The following GSPT1 variants were observed in gnomAD, a reference collection of about 807,000 sequenced individuals.
GSPT1 encodes the protein G1 to S phase transition 1.
Under a neutral mutation model 72.5 loss-of-function variants are expected in GSPT1, and 20 were observed. The observed-to-expected ratio is 0.28, with a 90% confidence interval of 0.19 to 0.40. GSPT1 has a LOEUF of 0.40. Among genes scored for constraint, GSPT1 ranks in the 10% least tolerant of loss-of-function variants. The pLI is 1.00. For missense variants in GSPT1, 580 were observed against 811.9 expected (o/e 0.71, Z 3.47); for synonymous variants, 334 against 293.5 (o/e 1.14, Z -1.41).
chr16:11,913,291 A>G (rs1290013208), intron 1 of GSPT1, among the ~76,000 whole-genome samples: 1 of 152,236 alleles, frequency 6.6e-6, no homozygotes, highest in Non-Finnish European at 1.5e-5. Context: ...TACATAGGAT[A>G]ATTTTTTAAA....
In GSPT1 at chr16:11,870,074, C is replaced by T. The variant is rs2053961822; in HGVS notation, c.*3045G>A. On this transcript the variant is annotated 3_prime_UTR_variant, in exon 15 of 15. Transcript: ENST00000434724. ...AACCTGCACTGTTAGAGTTTAGGAA[C>T]TTTTGACATTCGGTTATCACATATT... 1 of 151,918 alleles carries T rather than the reference C, an allele frequency of 6.6e-6. No individual in the cohort carries two copies. Among genetic ancestry groups the T allele is most frequent in the South Asian group, 2.1e-4 (1 of 4,820 alleles). 9.4% of individuals were successfully genotyped at this position (151,918 alleles called of 1,614,324 possible). A position where few individuals can be genotyped will look rare whatever the true frequency, so the allele number is the denominator to read the frequency against.
At chr16:11,873,670 C>A (rs2054004178) in intron 14 of GSPT1, among the ~76,000 whole-genome samples, 1 of 152,152 alleles carries the variant, frequency 6.6e-6, no homozygotes, top group African/African-American at 2.4e-5. Flanking sequence ...TGACTGCAAC[C>A]TCCTCCTTCT....
chr16:11,895,116 C>T (rs1320775882), intron 4 of GSPT1, 129 bp from the exon 5 acceptor site: 5 of 639,030 alleles, frequency 7.8e-6, no homozygotes, highest in Non-Finnish European at 1.4e-5. Flanking sequence ...AATCCTAGTT[C>T]ATTACCCTTC....
At chr16:11,910,285 T>C (rs756795532) in intron 1 of GSPT1, among the ~76,000 whole-genome samples, 3 of 152,174 alleles carry the variant, frequency 2.0e-5, no homozygotes, top group Non-Finnish European at 2.9e-5. Flanking sequence ...ACGTAAGGGA[T>C]TGCTGTTCTC....
intron 1 of GSPT1, among the ~76,000 whole-genome samples, chr16:11,899,575 G>C (rs1467151227): frequency 2.0e-5 from 3 of 152,112 alleles, no homozygotes; most frequent in Non-Finnish European, 4.4e-5. Flanking sequence ...GGGATGAGCA[G>C]GACATTAACA....
rs1301035075 is a variant in GSPT1 at position 11,868,781 on chromosome 16, T to C, written c.*4338A>G. ...CAAACCTGAGGTTTCCACATCGTTT[T>C]AAAGGGCACAGTGGCAAATGTGACA... On this transcript the variant is annotated 3_prime_UTR_variant, in exon 15 of 15. Coordinates refer to ENST00000434724, the MANE Select transcript of GSPT1 (RefSeq NM_002094.4). 6.6e-6 allele frequency: 1 copy of C among 152,224 alleles called. No individual in the cohort carries two copies. The highest frequency in any genetic ancestry group is 2.4e-5 in the African/African-American group (1 of 41,462). The allele number at this position is 152,224 out of a possible 1,614,324, so 9.4% of individuals were successfully genotyped here. A position where few individuals can be genotyped will look rare whatever the true frequency, so the allele number is the denominator to read the frequency against.
chr16:11,879,495 G>T (rs1304596689), intron 11 of GSPT1, among the ~76,000 whole-genome samples: 1 of 152,092 alleles, frequency 6.6e-6, no homozygotes, highest in African/African-American at 2.4e-5. Flanking sequence ...AGCACTTTGG[G>T]AGGCCAAGGC....
intron 4 of GSPT1, 48 bp from the exon 5 acceptor site, chr16:11,895,035 A>C (rs140116091): frequency 8.7e-7 from 1 of 1,151,206 alleles, no homozygotes; most frequent in Admixed American, 1.9e-5. Context: ...CCAAAAACCA[A>C]TGGCTAAATA....
chr16:11,900,885 G>A (rs1048653789), intron 1 of GSPT1, among the ~76,000 whole-genome samples: 1 of 152,148 alleles, frequency 6.6e-6, no homozygotes, highest in Non-Finnish European at 1.5e-5. Flanking sequence ...AAATGGGTTG[G>A]GCATGGTGGC....
chr16:11,888,740 G>A (rs780792106), intron 6 of GSPT1, among the ~76,000 whole-genome samples: 44 of 152,016 alleles, frequency 2.9e-4, no homozygotes, highest in Non-Finnish European at 6.0e-4. Flanking sequence ...CCAGCCTGGT[G>A]ACACAGTGAG....
At chr16:11,889,001 T>C (rs1399259117) in intron 6 of GSPT1, among the ~76,000 whole-genome samples, 1 of 151,814 alleles carries the variant, frequency 6.6e-6, no homozygotes, top group Non-Finnish European at 1.5e-5. Context: ...GTCTTGAGAG[T>C]TAAAGGGTAA....
chr16:11,909,352 G>T (rs2054529143), intron 1 of GSPT1, among the ~76,000 whole-genome samples: 1 of 152,142 alleles, frequency 6.6e-6, no homozygotes, highest in South Asian at 2.1e-4. Flanking sequence ...AAACAAGGCA[G>T]AAACTTCTAA....
intron 1 of GSPT1, among the ~76,000 whole-genome samples, chr16:11,914,571 T>C (rs543639837): frequency 6.6e-6 from 1 of 152,322 alleles, no homozygotes; most frequent in East Asian, 1.9e-4. Flanking sequence ...CACAGTGAGT[T>C]ATTCCAAGCA....
chr16:11,885,978 A>AAT (rs1238442733), intron 9 of GSPT1, among the ~76,000 whole-genome samples: 1 of 152,248 alleles, frequency 6.6e-6, no homozygotes, highest in African/African-American at 2.4e-5. Context: ...GAGCCAAATC[A>AAT]ATTCAATGAA....
At chr16:11,873,402 G>C (rs1051194810) in intron 14 of GSPT1, among the ~76,000 whole-genome samples, 1 of 151,790 alleles carries the variant, frequency 6.6e-6, no homozygotes, top group Non-Finnish European at 1.5e-5. Context: ...ATCTCCCCCC[G>C]TACCCCCCAA....
rs1350045518 is a variant in GSPT1, at chr16:11,870,432, ATCAT to A, written c.*2683_*2686del. 1 of 152,266 alleles carries A rather than the reference ATCAT, an allele frequency of 6.6e-6. No individual in the cohort carries two copies. The allele number at this position is 152,266 out of a possible 1,614,324, so 9.4% of individuals were successfully genotyped here. On this transcript the variant is annotated 3_prime_UTR_variant, in exon 15 of 15. Transcript: ENST00000434724. The stretch of plus-strand genomic sequence containing the variant: ...TAATGTGAAAAGATGCAAGAAAAAA[ATCAT>A]TCTAGTAGAGCAACGTTAGAGAACA...
chr16:11,915,448 C>T lies in GSPT1; in HGVS notation c.273G>A (p.Arg91=), dbSNP rs1375767353. ...CTGGGGGTGGCGGCGCTGCCGGGCC[C>T]CGCAGGAAGGACGGCACGAACTCGG... ...HAAEFVPSFL[R]GPAAPPPPVG... The change falls in exon 1 of 15, where the codon CGG becomes CGA. Residue 91 remains arginine, a synonymous_variant. Transcript: ENST00000434724. The T allele has an allele frequency of 6.5e-7, 1 of 1,542,370 alleles. No individual in the cohort carries two copies. The highest frequency in any genetic ancestry group is 2.7e-5 in the East Asian group (1 of 37,066).
In GSPT1 at chr16:11,885,166, T is replaced by C. The variant is rs1461206302; in HGVS notation, c.1347+15A>G. ...CCCCTCCCAGGAAACCCAATTTCTTTAACATTTTGGGTACCTTGTACTTAT... is the reference window on the plus strand; with the variant it reads ...CCCCTCCCAGGAAACCCAATTTCTTCAACATTTTGGGTACCTTGTACTTAT... On this transcript the variant is annotated intron_variant, in intron 10 of 14. Transcript: ENST00000434724. 2 of 1,308,558 alleles carry C rather than the reference T, an allele frequency of 1.5e-6. No homozygotes were observed. The highest frequency in any genetic ancestry group is 2.4e-5 in the South Asian group (2 of 83,654). 81.1% of individuals were successfully genotyped at this position (1,308,558 alleles called of 1,614,324 possible). A position where few individuals can be genotyped will look rare whatever the true frequency, so the allele number is the denominator to read the frequency against.
intron 10 of GSPT1, 53 bp from the exon 11 acceptor site, chr16:11,883,148 A>AG: frequency 9.4e-7 from 1 of 1,069,232 alleles, no homozygotes; most frequent in South Asian, 1.3e-5. Flanking sequence ...GCTGTATAAC[A>AG]GCTCAATAGC....
Sources: gnomAD v4.1 joint callset for allele counts (sites outside exome capture counted in the v4.1 genomes callset) on GRCh38, gnomAD v4.1.1 for gene constraint, MANE v1.5 for transcripts, NCBI Gene and HGNC (gene_info 2026-07-23, HGNC 2026-07-21) for gene names.